The following TSPAN18 variants were observed in gnomAD, a reference collection of about 807,000 sequenced individuals.
TSPAN18 encodes tetraspanin 18.
In TSPAN18, 14 loss-of-function variants were observed where a neutral mutation model predicts 27.3. That is an observed-to-expected ratio of 0.51 (90% CI 0.34 to 0.80). The LOEUF (loss-of-function observed/expected upper bound fraction) is 0.80, where lower values mean the gene tolerates loss of function less well. TSPAN18 is among the 30% of genes least tolerant of loss of function. The pLI is 0.01. For synonymous variants in TSPAN18, 143 were observed against 136.5 expected (o/e 1.05, Z -0.33); for missense variants, 268 against 323.9 (o/e 0.83, Z 1.32).
At chr11:44,898,458 T>A (rs1308411645) in intron 3 of TSPAN18, among the ~76,000 whole-genome samples, 1 of 152,382 alleles carries the variant, frequency 6.6e-6, no homozygotes, top group East Asian at 1.9e-4. Flanking sequence ...TGTCAGAAGT[T>A]TACCTGAAGT....
chr11:44,773,991 C>T (rs1191588720), intron 2 of TSPAN18, among the ~76,000 whole-genome samples: 2 of 152,146 alleles, frequency 1.3e-5, no homozygotes, highest in Admixed American at 6.5e-5. Context: ...CAGTCGGACT[C>T]CCACCCTCAG....
At chr11:44,777,085 C>T (rs754888667) in intron 2 of TSPAN18, among the ~76,000 whole-genome samples, 3 of 152,202 alleles carry the variant, frequency 2.0e-5, no homozygotes, top group African/African-American at 4.8e-5. Context: ...AGCTTAGGAG[C>T]GGACCTAGAT....
At chr11:44,877,450 C>T (rs934206155) in intron 3 of TSPAN18, among the ~76,000 whole-genome samples, 3 of 152,090 alleles carry the variant, frequency 2.0e-5, no homozygotes, top group Non-Finnish European at 2.9e-5. Context: ...CTCCTGGCCC[C>T]GTTCTCCCAT....
chr11:44,904,006 A>G, intron 3 of TSPAN18: 1 of 386,118 alleles, frequency 2.6e-6, no homozygotes, highest in Admixed American at 2.9e-5. Context: ...TATTATTTGT[A>G]GGGGTGGAGA....
At chr11:44,758,421 C>A (rs2134876699) in intron 1 of TSPAN18, among the ~76,000 whole-genome samples, 1 of 152,206 alleles carries the variant, frequency 6.6e-6, no homozygotes, top group African/African-American at 2.4e-5. Context: ...GGTGTATAAT[C>A]CTTTTAATAT....
intron 2 of TSPAN18, among the ~76,000 whole-genome samples, chr11:44,793,527 G>A (rs1014567981): frequency 1.1e-4 from 17 of 152,142 alleles, no homozygotes; most frequent in Admixed American, 4.6e-4. Context: ...GAGCAGCAAC[G>A]GCGTTGCTAC....
At chr11:44,777,126 A>C (rs953717782) in intron 2 of TSPAN18, among the ~76,000 whole-genome samples, 1 of 152,206 alleles carries the variant, frequency 6.6e-6, no homozygotes, top group Admixed American at 6.5e-5. Context: ...TGGCCCCTGA[A>C]GTAGGGTACC....
At chr11:44,737,681 C>T (rs760936931) in intron 1 of TSPAN18, among the ~76,000 whole-genome samples, 9 of 152,170 alleles carry the variant, frequency 5.9e-5, no homozygotes, top group Non-Finnish European at 1.0e-4. Context: ...TAAAACCCTT[C>T]GATGGATTCT....
intron 3 of TSPAN18, among the ~76,000 whole-genome samples, chr11:44,865,478 A>G (rs1187671935): frequency 6.6e-6 from 1 of 152,198 alleles, no homozygotes; most frequent in Admixed American, 6.5e-5. Flanking sequence ...TTTCCAGACT[A>G]CTTTGCATTT....
rs75249772 is a variant in TSPAN18, at chr11:44,765,022, T to C, written c.-153+510T>C. 1.2e-3 allele frequency among the ~76,000 whole-genome samples: 186 copies of C among 152,282 alleles called. 2 individuals are homozygous for C. The highest frequency in any genetic ancestry group is 4.3e-3 in the African/African-American group (179 of 41,558). ...GAAACTGAGAACAGAAAAGCCTTGGTCTGTTTCGGAGGCTCTGGGAAGTCC... is the reference window on the plus strand; with the variant it reads ...GAAACTGAGAACAGAAAAGCCTTGGCCTGTTTCGGAGGCTCTGGGAAGTCC... On this transcript the variant is annotated intron_variant, in intron 2 of 9. Coordinates refer to ENST00000520358, the MANE Select transcript of TSPAN18 (RefSeq NM_130783.5).
chr11:44,751,779 T>C (rs1423440880), intron 1 of TSPAN18, among the ~76,000 whole-genome samples: 1 of 151,764 alleles, frequency 6.6e-6, no homozygotes, highest in Non-Finnish European at 1.5e-5. Context: ...ATACAAAAAT[T>C]ATTTGGACAT....
At chr11:44,818,460 G>A (rs1482809264) in intron 2 of TSPAN18, among the ~76,000 whole-genome samples, 3 of 152,206 alleles carry the variant, frequency 2.0e-5, no homozygotes, top group Non-Finnish European at 4.4e-5. Context: ...CCGATCCTGT[G>A]TCCTTGCCTG....
At chr11:44,830,876 A>C (rs1211436279) in intron 2 of TSPAN18, among the ~76,000 whole-genome samples, 3 of 152,208 alleles carry the variant, frequency 2.0e-5, no homozygotes, top group African/African-American at 7.2e-5. Flanking sequence ...CTTTAAAAAG[A>C]AGCTGGAAAC....
intron 2 of TSPAN18, among the ~76,000 whole-genome samples, chr11:44,769,735 C>A (rs1294417332): frequency 6.6e-6 from 1 of 152,158 alleles, no homozygotes. Flanking sequence ...ATGGGACATT[C>A]CCATGTCCAT....
chr11:44,736,848 C>A (rs4755281), intron 1 of TSPAN18, among the ~76,000 whole-genome samples: 1 of 152,282 alleles, frequency 6.6e-6, no homozygotes, highest in African/African-American at 2.4e-5. Context: ...TTTTAACTCA[C>A]AGGGTTTGAT....
At chr11:44,783,081 G>T (rs1855976400) in intron 2 of TSPAN18, among the ~76,000 whole-genome samples, 1 of 152,076 alleles carries the variant, frequency 6.6e-6, no homozygotes, top group Non-Finnish European at 1.5e-5. Context: ...GCTTGCCTTG[G>T]CCTCCCAAAG....
Position 44,921,233 on chromosome 11 carries a change from C to T in TSPAN18, c.615+1234C>T, listed in dbSNP as rs191896743. ...GTGGACGTGGGGCAGAGAGACCTGC[C>T]GTGGGGAGCAGCTGCAGGGCGGGGA... On this transcript the variant is annotated intron_variant, in intron 8 of 9. Transcript: ENST00000520358. 3.4e-3 allele frequency among the ~76,000 whole-genome samples: 514 copies of T among 152,292 alleles called. 3 individuals carry two copies. Among genetic ancestry groups the T allele is most frequent in the Non-Finnish European group, 4.9e-3 (336 of 68,030 alleles).
At chr11:44,844,067 A>G (rs544050034) in intron 2 of TSPAN18, among the ~76,000 whole-genome samples, 64 of 152,350 alleles carry the variant, frequency 4.2e-4, no homozygotes, top group African/African-American at 1.5e-3. Context: ...TGAAATCTTT[A>G]CAATTTATGT....
Position 44,879,231 on chromosome 11 carries a change from C to T in TSPAN18, c.-11+18762C>T, listed in dbSNP as rs376942880. Among the ~76,000 whole-genome samples the T allele has an allele frequency of 1.1e-4, 16 of 152,208 alleles. No individual in the cohort carries two copies. In the East Asian group the frequency reaches 1.7e-3, roughly 17 times the overall value. ...CAGAAATGTGTGAAAGAAGCCCACA[C>T]GGAGATTTATCCCTCCCTCCCTCTC... is the stretch of plus-strand genomic sequence containing the variant. On this transcript the variant is annotated intron_variant, in intron 3 of 9. Transcript: ENST00000520358.
Sources: allele counts gnomAD v4.1 joint callset (sites outside exome capture counted in the v4.1 genomes callset), GRCh38; gene constraint gnomAD v4.1.1; transcripts MANE v1.5; gene names NCBI Gene and HGNC (gene_info 2026-07-23, HGNC 2026-07-21).